The following NTSR1 variants were observed in gnomAD, a reference collection of about 807,000 sequenced individuals.
The protein encoded by NTSR1 is neurotensin receptor 1.
NTSR1 carries 29 observed loss-of-function variants against 31.2 expected under a neutral mutation model. The observed-to-expected ratio is 0.93, with a 90% CI of 0.69 to 1.27. The LOEUF (loss-of-function observed/expected upper bound fraction) is 1.27, where lower values mean the gene tolerates loss of function less well. Ranked by LOEUF, NTSR1 falls within the 50% of genes most tolerant of loss-of-function variation. NTSR1 has a pLI of 0.00. For synonymous variants in NTSR1, 282 were observed against 269.9 expected (o/e 1.04, Z -0.44); for missense variants, 697 against 595.4 (o/e 1.17, Z -1.78).
At chr20:62,718,680 T>G (rs1341251810) in intron 1 of NTSR1, among the ~76,000 whole-genome samples, 1 of 152,206 alleles carries the variant, frequency 6.6e-6, no homozygotes, top group Non-Finnish European at 1.5e-5. Flanking sequence ...TCCTCTGAGC[T>G]GTTGCCTGCA....
chr20:62,716,987 G>T (rs575045427), intron 1 of NTSR1, among the ~76,000 whole-genome samples: 1 of 152,380 alleles, frequency 6.6e-6, no homozygotes, highest in South Asian at 2.1e-4. Context: ...TGGCCAAGGG[G>T]CTGTCCCCGT....
At position 62,709,313 on chromosome 20, in the gene NTSR1, G is replaced by A; in HGVS notation, c.106G>A (p.Gly36Ser). The A allele has an allele frequency of 1.9e-6, 3 of 1,605,256 alleles. No individual in the cohort carries two copies. Among genetic ancestry groups the A allele is most frequent in the East Asian group, 2.2e-5 (1 of 44,570 alleles). ...GGAGGCGCTGCTGGCCCCGGGCTTC[G>A]GCAACGCTTCGGGCAACGCGTCGGA... is the stretch of plus-strand genomic sequence containing the variant. ...LEEALLAPGF[G>S]NASGNASERV... The change falls in exon 1 of 4, where the codon GGC (glycine) becomes AGC (serine). Residue 36 changes from glycine (G) to serine (S), a missense_variant. By Grantham distance (56) the Gly-to-Ser change is moderately conservative. Transcript: ENST00000370501.
chr20:62,709,682 G>A lies in NTSR1; in HGVS notation c.475G>A (p.Val159Met), dbSNP rs774996029. ...DACTYATALNVASLSVERYLA... is the reference protein window; with the variant it reads ...DACTYATALNMASLSVERYLA... ...CTGCACCTACGCCACGGCCCTCAAC[G>A]TGGCCAGCCTGAGTGTGGAGCGCTA... Residue 159 changes from valine (V) to methionine (M), a missense_variant, in exon 1 of 4, where the codon GTG becomes ATG. Transcript: ENST00000370501. 3 of 1,612,646 alleles carry A rather than the reference G, an allele frequency of 1.9e-6. No homozygotes were observed. Among genetic ancestry groups the A allele is most frequent in the African/African-American group, 2.7e-5 (2 of 74,926 alleles).
chr20:62,736,772 T>C (rs1989102166), intron 1 of NTSR1, among the ~76,000 whole-genome samples: 1 of 152,260 alleles, frequency 6.6e-6, no homozygotes, highest in Non-Finnish European at 1.5e-5. Context: ...TGTGTTTGGC[T>C]GTGTCCCCAC....
At chr20:62,724,917 G>T (rs368872463) in intron 1 of NTSR1, among the ~76,000 whole-genome samples, 1 of 152,192 alleles carries the variant, frequency 6.6e-6, no homozygotes, top group African/African-American at 2.4e-5. Context: ...TAAGGATACT[G>T]GTCATTAGAT....
intron 1 of NTSR1, chr20:62,735,139 C>G (rs1296513076): frequency 6.6e-6 from 1 of 152,640 alleles, no homozygotes; most frequent in Non-Finnish European, 1.5e-5. Context: ...AGACGCTCAG[C>G]TCCCTCCTCT....
chr20:62,709,281 G>A lies in NTSR1; in HGVS notation c.74G>A (p.Gly25Glu), dbSNP rs201666898. 3.2e-6 allele frequency: 5 copies of A among 1,581,376 alleles called. No homozygotes were observed. The highest frequency in any genetic ancestry group is 1.4e-5 in the African/African-American group (1 of 74,068). Residue 25 changes from glycine (G) to glutamate (E), a missense_variant, in exon 1 of 4, where the codon GGA (glycine) becomes GAA (glutamate). Coordinates refer to ENST00000370501, the MANE Select transcript of NTSR1 (RefSeq NM_002531.3). The stretch of plus-strand genomic sequence containing the variant: ...GACCCCTTCCAGCGGGCGCAGGCCG[G>A]ACTGGAGGAGGCGCTGCTGGCCCCG... Reference protein sequence around the residue: ...AADPFQRAQAGLEEALLAPGF... With the variant: ...AADPFQRAQAELEEALLAPGF...
At position 62,709,243 on chromosome 20, in the gene NTSR1, C is replaced by A. The variant is rs1388327097; in HGVS notation, c.36C>A (p.Gly12=). The change falls in exon 1 of 4, where the codon GGC becomes GGA. Residue 12 remains glycine, a synonymous_variant. Transcript: ENST00000370501. ...ACAGCTCCGCGCCGGGAACCCCGGG[C>A]ACGCCGGCCGCCGACCCCTTCCAGC... ...RLNSSAPGTP[G]TPAADPFQRA... 5 of 1,506,972 alleles carry A rather than the reference C, an allele frequency of 3.3e-6. No individual in the cohort carries two copies. Among genetic ancestry groups the A allele is most frequent in the East Asian group, 5.0e-5 (2 of 39,974 alleles). The allele number at this position is 1,506,972 out of a possible 1,614,324, so 93.4% of individuals were successfully genotyped here.
rs766411472 is a variant in NTSR1, at chr20:62,743,135, C to A, written c.715-11550C>A. Among the ~76,000 whole-genome samples, 1 of 149,414 alleles carries A rather than the reference C, an allele frequency of 6.7e-6. No individual in the cohort carries two copies. The highest frequency in any genetic ancestry group is 2.3e-4 in the East Asian group (1 of 4,444). On this transcript the variant is annotated intron_variant, in intron 1 of 3. Coordinates refer to ENST00000370501, the MANE Select transcript of NTSR1 (RefSeq NM_002531.3). The surrounding 1 kb of genome is among the most constrained non-coding windows in gnomAD (Gnocchi z 7.5). ...AGCACGGAGCCGCCCCTGCTGGACACGTATCCCGGCCATCTCAGGCCCACC... is the reference window on the plus strand; with the variant it reads ...AGCACGGAGCCGCCCCTGCTGGACAAGTATCCCGGCCATCTCAGGCCCACC...
intron 1 of NTSR1, among the ~76,000 whole-genome samples, chr20:62,724,158 G>A (rs1238625831): frequency 6.6e-6 from 1 of 152,208 alleles, no homozygotes; most frequent in Non-Finnish European, 1.5e-5. Flanking sequence ...ACTCTCAGGG[G>A]ACCCGAGCCA....
chr20:62,749,333 C>T (rs1031207983), intron 1 of NTSR1, among the ~76,000 whole-genome samples: 3 of 151,920 alleles, frequency 2.0e-5, no homozygotes, highest in Admixed American at 6.6e-5. Flanking sequence ...CCCAGCTACT[C>T]GAGAGCCTGA....
At chr20:62,729,770 C>T (rs1318855682) in intron 1 of NTSR1, among the ~76,000 whole-genome samples, 2 of 151,784 alleles carry the variant, frequency 1.3e-5, no homozygotes, top group African/African-American at 2.4e-5. Context: ...TACAGGAGCC[C>T]GCCACCTCCC....
chr20:62,724,451 T>C (rs1436816124), intron 1 of NTSR1, among the ~76,000 whole-genome samples: 1 of 147,102 alleles, frequency 6.8e-6, no homozygotes, highest in Non-Finnish European at 1.5e-5. Context: ...AGGGCACCCA[T>C]CAAACTTCCT....
chr20:62,730,675 A>G (rs1788622418), intron 1 of NTSR1, among the ~76,000 whole-genome samples: 1 of 152,254 alleles, frequency 6.6e-6, no homozygotes, highest in African/African-American at 2.4e-5. Context: ...GCCTTCCAGC[A>G]CGGCTGCGCC....
rs1989637301 is a variant in NTSR1 at position 62,762,196 on chromosome 20, G to A, written c.*1929G>A. 6.6e-6 allele frequency: 1 copy of A among 152,256 alleles called. No individual in the cohort carries two copies. The highest frequency in any genetic ancestry group is 2.4e-5 in the African/African-American group (1 of 41,452). 9.4% of individuals were successfully genotyped at this position (152,256 alleles called of 1,614,324 possible). ...AGGACCTGGACTCAGAGCCAGACAG[G>A]GCAGCCTCAGACCCTTCTCTGGGGC... is the stretch of plus-strand genomic sequence containing the variant. On this transcript the variant is annotated 3_prime_UTR_variant, in exon 4 of 4. Coordinates refer to ENST00000370501, the MANE Select transcript of NTSR1 (RefSeq NM_002531.3).
Position 62,709,123 on chromosome 20 carries a change from C to A in NTSR1, c.-85C>A. 8.8e-7 allele frequency: 1 copy of A among 1,140,164 alleles called. No individual in the cohort carries two copies. The allele number at this position is 1,140,164 out of a possible 1,614,324, so 70.6% of individuals were successfully genotyped here. On this transcript the variant is annotated 5_prime_UTR_variant, in exon 1 of 4. Coordinates refer to ENST00000370501, the MANE Select transcript of NTSR1 (RefSeq NM_002531.3). ...CGCCCTCCCCTGGGCTCCCGTTCAT[C>A]GGTCCCCGCCTGAGACGCGCCCACT...
rs1408315022 is a variant in NTSR1, at chr20:62,743,771, G to T, written c.715-10914G>T. Among the ~76,000 whole-genome samples, 1 of 152,222 alleles carries T rather than the reference G, an allele frequency of 6.6e-6. No homozygotes were observed. The highest frequency in any genetic ancestry group is 1.5e-5 in the Non-Finnish European group (1 of 68,026). On this transcript the variant is annotated intron_variant, in intron 1 of 3. Transcript: ENST00000370501. The surrounding 1 kb of genome is among the most constrained non-coding windows in gnomAD (Gnocchi z 7.5). ...ACAATGGGATGAATTAGAGAGAAAG[G>T]CAGAATACAAAACAAGCAATTGCTC...
At position 62,761,802 on chromosome 20, in the gene NTSR1, CTGT is replaced by C. The variant is rs1287986471; in HGVS notation, c.*1538_*1540del. ...AGTATCTGCAGTCGCTTGGATCTGG[CTGT>C]TGAGTTGACGGGTTCCTTGAACCCC... On this transcript the variant is annotated 3_prime_UTR_variant, in exon 4 of 4. Coordinates refer to ENST00000370501, the MANE Select transcript of NTSR1 (RefSeq NM_002531.3). 1 of 152,252 alleles carries C rather than the reference CTGT, an allele frequency of 6.6e-6. No homozygotes were observed. The highest frequency in any genetic ancestry group is 2.4e-5 in the African/African-American group (1 of 41,450). 9.4% of individuals were successfully genotyped at this position (152,252 alleles called of 1,614,324 possible). A position where few individuals can be genotyped will look rare whatever the true frequency, so the allele number is the denominator to read the frequency against.
intron 1 of NTSR1, among the ~76,000 whole-genome samples, chr20:62,726,006 T>C (rs1233679824): frequency 6.6e-6 from 1 of 152,296 alleles, no homozygotes; most frequent in Non-Finnish European, 1.5e-5. Context: ...TGCTGCCCTG[T>C]CCCTGCCCTG....
Sources: allele counts gnomAD v4.1 joint callset (sites outside exome capture counted in the v4.1 genomes callset), GRCh38; gene constraint gnomAD v4.1.1; non-coding constraint Gnocchi (gnomAD v3.1); transcripts MANE v1.5; gene names NCBI Gene and HGNC (gene_info 2026-07-23, HGNC 2026-07-21).